The following ACOT7 variants were observed in gnomAD, a reference collection of about 807,000 sequenced individuals.
The protein encoded by ACOT7 is acyl-CoA thioesterase 7, also known as cytosolic acyl coenzyme A thioester hydrolase.
A neutral mutation model predicts 40.2 loss-of-function variants in ACOT7; 12 were observed. The observed-to-expected ratio is 0.30, with a 90% CI of 0.19 to 0.48. The LOEUF is 0.48. Among genes scored for constraint, ACOT7 ranks in the 20% least tolerant of loss-of-function variants. ACOT7 has a pLI of 0.99. For synonymous variants in ACOT7, 228 were observed against 219.5 expected (o/e 1.04, Z -0.34); for missense variants, 395 against 530.8 (o/e 0.74, Z 2.51).
In ACOT7 at chr1:6,274,325, G is replaced by C. The variant is rs555102335; in HGVS notation, c.1014+6777C>G. Among the ~76,000 whole-genome samples the C allele has an allele frequency of 6.6e-6, 1 of 152,210 alleles. No homozygotes were observed. The highest frequency in any genetic ancestry group is 1.5e-5 in the Non-Finnish European group (1 of 68,024). On this transcript the variant is annotated intron_variant, in intron 8 of 8. Transcript: ENST00000361521. The surrounding 1 kb of genome is among the most constrained non-coding windows in gnomAD (Gnocchi z 5.9). ...CTGTCTGCAGCCCCCACATCAGTGCGTCACAAAGCTGTGGCCCTCAGCACT... is the reference window on the plus strand; with the variant it reads ...CTGTCTGCAGCCCCCACATCAGTGCCTCACAAAGCTGTGGCCCTCAGCACT...
chr1:6,327,841 T>A (rs148707820), intron 4 of ACOT7, among the ~76,000 whole-genome samples: 5 of 152,256 alleles, frequency 3.3e-5, no homozygotes, highest in African/African-American at 1.2e-4. Flanking sequence ...TGGCGTGATC[T>A]CAGCTCACTG....
chr1:6,375,052 C>T (rs538009189), intron 1 of ACOT7, among the ~76,000 whole-genome samples: 16 of 151,196 alleles, frequency 1.1e-4, no homozygotes, highest in African/African-American at 3.2e-4. Flanking sequence ...CCGAGGCGGG[C>T]GGATCACAAG....
At chr1:6,303,318 G>T (rs566251826) in intron 6 of ACOT7, among the ~76,000 whole-genome samples, 13 of 151,596 alleles carry the variant, frequency 8.6e-5, no homozygotes, top group Non-Finnish European at 1.5e-4. Flanking sequence ...TTTATTTCAA[G>T]AATTACGGGG....
intron 1 of ACOT7, chr1:6,385,537 GC>G: frequency 6.2e-7 from 1 of 1,612,216 alleles, no homozygotes. Flanking sequence ...TCAGCCCTGG[GC>G]CCAACCACCT....
At chr1:6,309,970 T>C (rs981476219) in intron 6 of ACOT7, among the ~76,000 whole-genome samples, 2 of 152,164 alleles carry the variant, frequency 1.3e-5, no homozygotes, top group Non-Finnish European at 2.9e-5. Flanking sequence ...ATCTCACTGG[T>C]GGGGAGGAGA....
chr1:6,300,573 C>T (rs1345961126), intron 6 of ACOT7, among the ~76,000 whole-genome samples: 8 of 149,422 alleles, frequency 5.4e-5, no homozygotes, highest in Admixed American at 2.0e-4. Context: ...TCCTGATGCG[C>T]GGCCGGCCCT....
intron 6 of ACOT7, among the ~76,000 whole-genome samples, chr1:6,296,605 A>G (rs1639820123): frequency 6.6e-6 from 1 of 152,088 alleles, no homozygotes; most frequent in Non-Finnish European, 1.5e-5. Flanking sequence ...TTGTATTTTT[A>G]GTAGAGACGG....
chr1:6,386,855 C>A (rs1444953866), intron 1 of ACOT7, among the ~76,000 whole-genome samples: 2 of 152,132 alleles, frequency 1.3e-5, no homozygotes, highest in Non-Finnish European at 2.9e-5. Flanking sequence ...CTAAGCGAGA[C>A]CCTGTCTCAA....
At chr1:6,380,686 AGTTGCACCTTTACCT>A (rs1642318317) in intron 1 of ACOT7, among the ~76,000 whole-genome samples, 1 of 148,778 alleles carries the variant, frequency 6.7e-6, no homozygotes, top group Non-Finnish European at 1.5e-5. Context: ...CAAAAGAATG[AGTTGCACCTTTACCT>A]AATAGCATAT....
At chr1:6,363,900 C>T (rs1422167518) in intron 1 of ACOT7, among the ~76,000 whole-genome samples, 2 of 152,128 alleles carry the variant, frequency 1.3e-5, no homozygotes, top group East Asian at 1.9e-4. Flanking sequence ...AGCCACCGAC[C>T]CTGTGGGTTT....
rs1641813630 is a variant in ACOT7, at chr1:6,358,588, C to T, written c.144-8722G>A. ...GGAGTGCCCTGGTCCGTCAGGGGAC[C>T]CCAGCTCACGCAGGCCTGCACTTCC... On this transcript the variant is annotated intron_variant, in intron 1 of 8. Transcript: ENST00000361521. The surrounding 1 kb of genome is among the most constrained non-coding windows in gnomAD (Gnocchi z 4.1). Among the ~76,000 whole-genome samples the T allele has an allele frequency of 2.6e-5, 4 of 152,186 alleles. No homozygotes were observed.
intron 6 of ACOT7, among the ~76,000 whole-genome samples, chr1:6,317,221 T>C (rs1571301998): frequency 6.6e-6 from 1 of 152,342 alleles, no homozygotes; most frequent in East Asian, 1.9e-4. Context: ...TTCACTATGA[T>C]CTTATCTCCT....
intron 1 of ACOT7, among the ~76,000 whole-genome samples, chr1:6,376,442 G>T (rs1323322968): frequency 1.3e-5 from 2 of 151,264 alleles, no homozygotes; most frequent in South Asian, 2.1e-4. Flanking sequence ...AAATAAGGTG[G>T]GAGGGGCCAG....
intron 3 of ACOT7, among the ~76,000 whole-genome samples, chr1:6,334,784 A>C (rs1199685080): frequency 2.0e-5 from 3 of 152,212 alleles, no homozygotes; most frequent in African/African-American, 7.2e-5. Flanking sequence ...GTACAGAAGG[A>C]GTCTGAGGCC....
intron 8 of ACOT7, 45 bp downstream of exon 8, chr1:6,281,057 G>A (rs763564100): frequency 2.5e-6 from 4 of 1,591,514 alleles, no homozygotes; most frequent in Non-Finnish European, 3.4e-6. Context: ...GGACCCTAGG[G>A]CTGCCTGGCA....
intron 1 of ACOT7, among the ~76,000 whole-genome samples, chr1:6,364,825 G>A (rs188591855): frequency 0.078 from 11,212 of 144,104 alleles, 497 homozygotes; most frequent in Non-Finnish European, 0.097. Flanking sequence ...TCCGGCCTGG[G>A]GACAGAGCGA....
chr1:6,335,327 C>CAAA (rs58439931), intron 3 of ACOT7, among the ~76,000 whole-genome samples: 13 of 58,328 alleles, frequency 2.2e-4, no homozygotes, highest in African/African-American at 4.4e-4. Context: ...AACTCTGCCT[C>CAAA]AAAAAAAAAA....
chr1:6,273,311 C>T (rs569136722), intron 8 of ACOT7, among the ~76,000 whole-genome samples: 1 of 152,360 alleles, frequency 6.6e-6, no homozygotes, highest in African/African-American at 2.4e-5. Context: ...CGCCAACCTC[C>T]TTCTCAGCAC....
rs1321973424 is a variant in ACOT7 at position 6,278,113 on chromosome 1, C to T, written c.1014+2989G>A. Among the ~76,000 whole-genome samples the T allele has an allele frequency of 1.4e-5, 2 of 145,974 alleles. No individual in the cohort carries two copies. The highest frequency in any genetic ancestry group is 2.5e-5 in the African/African-American group (1 of 40,408). On this transcript the variant is annotated intron_variant, in intron 8 of 8. Coordinates refer to ENST00000361521, the MANE Select transcript of ACOT7 (RefSeq NM_007274.4). The surrounding 1 kb of genome is among the most constrained non-coding windows in gnomAD (Gnocchi z 4.1). ...GTGGTTGGGAGGGGGTCTGGGGTGG[C>T]GGAGGCGACGCTTCTCTAGAGCGGT...
Sources: gnomAD v4.1 joint callset for allele counts (sites outside exome capture counted in the v4.1 genomes callset) on GRCh38, gnomAD v4.1.1 for gene constraint, Gnocchi (gnomAD v3.1) non-coding constraint, MANE v1.5 for transcripts, NCBI Gene and HGNC (gene_info 2026-07-23, HGNC 2026-07-21) for gene names.